Variants in FBXO8 observed in about 807,000 individuals in gnomAD.
FBXO8 encodes F-box only protein 8.
A neutral mutation model predicts 33.4 loss-of-function variants in FBXO8; 15 were observed. The ratio of observed to expected loss-of-function variants is 0.45; its 90% CI spans 0.30 to 0.69. The LOEUF is 0.69. Among genes scored for constraint, FBXO8 ranks in the 30% least tolerant of loss-of-function variants. The probability of loss-of-function intolerance (pLI) is 0.08; values close to 1 mark genes in which losing one functional copy is unlikely to be tolerated. For missense variants in FBXO8, 274 were observed against 380.3 expected, an observed-to-expected ratio of 0.72 and a Z score of 2.32; for synonymous variants, 132 against 131.5, an observed-to-expected ratio of 1.00 and a Z score of -0.02.
At chr4:174,246,733 GA>G (rs1254425447) in intron 3 of FBXO8, among the ~76,000 whole-genome samples, 9 of 152,036 alleles carry the variant, frequency 5.9e-5, no homozygotes, top group Non-Finnish European at 1.3e-4. Context: ...GGAAAGGTCT[GA>G]AAATACTGCT....
rs181045069 is a variant in FBXO8, at chr4:174,272,290, G to C, written c.-8-9190C>G. Among the ~76,000 whole-genome samples the C allele has an allele frequency of 2.8e-4, 43 of 152,206 alleles. No homozygotes were observed. Among genetic ancestry groups the C allele is most frequent in the African/African-American group, 9.9e-4 (41 of 41,542 alleles). On this transcript the variant is annotated intron_variant, in intron 1 of 5. Transcript: ENST00000393674. This position sits in a 1 kb window ranked among gnomAD's most constrained non-coding sequence, Gnocchi z 4.7. ...AAATCCATGAATGCTCAAGTCCCTTGTATAAAATGGCATAGTATACATCCT... is the reference window on the plus strand; with the variant it reads ...AAATCCATGAATGCTCAAGTCCCTTCTATAAAATGGCATAGTATACATCCT...
Position 174,281,231 on chromosome 4 carries a change from T to G in FBXO8, c.-9+2179A>C, listed in dbSNP as rs958821619. 1.3e-5 allele frequency among the ~76,000 whole-genome samples: 2 copies of G among 152,150 alleles called. No homozygotes were observed. The highest frequency in any genetic ancestry group is 4.1e-4 in the South Asian group (2 of 4,830). On this transcript the variant is annotated intron_variant, in intron 1 of 5. Coordinates refer to ENST00000393674, the MANE Select transcript of FBXO8 (RefSeq NM_012180.3). This position sits in a 1 kb window ranked among gnomAD's most constrained non-coding sequence, Gnocchi z 4.6. ...GACTTCCACAAATCACTACTCCATA[T>G]AGAGTCTCTCCAAGCTTGGCTTACT...
intron 1 of FBXO8, among the ~76,000 whole-genome samples, chr4:174,268,643 A>C (rs538982843): frequency 6.6e-6 from 1 of 152,068 alleles, no homozygotes; most frequent in East Asian, 1.9e-4. Flanking sequence ...TCACCGTGTT[A>C]GCCAGGATGG....
Position 174,259,638 on chromosome 4 carries a change from AAAGCTGCAGC to A in FBXO8, c.456+51_456+60del. The stretch of plus-strand genomic sequence containing the variant: ...TTTCCCTGCTAGTTTATGATATTGG[AAAGCTGCAGC>A]AAGATAGTAATAAAGGTCACTGGAT... On this transcript the variant is annotated intron_variant, in intron 3 of 5. Coordinates refer to ENST00000393674, the MANE Select transcript of FBXO8 (RefSeq NM_012180.3). This position sits in a 1 kb window ranked among gnomAD's most constrained non-coding sequence, Gnocchi z 4.3. The A allele has an allele frequency of 6.4e-7, 1 of 1,558,314 alleles. No individual in the cohort carries two copies. The highest frequency in any genetic ancestry group is 1.2e-5 in the South Asian group (1 of 82,044).
chr4:174,262,236 T>C lies in FBXO8; in HGVS notation c.329+528A>G, dbSNP rs1736580611. On this transcript the variant is annotated intron_variant, in intron 2 of 5. Coordinates refer to ENST00000393674, the MANE Select transcript of FBXO8 (RefSeq NM_012180.3). This position sits in a 1 kb window ranked among gnomAD's most constrained non-coding sequence, Gnocchi z 4.6. ...ATGCTGGTTAGAAAAAAAAAGTAGA[T>C]AAAATTTTCACCAGTTAAATTTTAT... 6.6e-6 allele frequency among the ~76,000 whole-genome samples: 1 copy of C among 152,178 alleles called. No individual in the cohort carries two copies. The highest frequency in any genetic ancestry group is 1.9e-4 in the East Asian group (1 of 5,202).
In FBXO8 at chr4:174,283,589, C is replaced by T. The variant is rs1010219178; in HGVS notation, c.-188G>A. On this transcript the variant is annotated 5_prime_UTR_variant, in exon 1 of 6. Transcript: ENST00000393674. The surrounding 1 kb of genome is among the most constrained non-coding windows in gnomAD (Gnocchi z 6.7). Reference sequence around the variant, plus strand: ...GATGAGAATACCAGAAACAGCACTACGACCCTCAGAACTCAGGGTACCTCC... The same window carrying T: ...GATGAGAATACCAGAAACAGCACTATGACCCTCAGAACTCAGGGTACCTCC... 1 of 290,758 alleles carries T rather than the reference C, an allele frequency of 3.4e-6. No individual in the cohort carries two copies. The highest frequency in any genetic ancestry group is 5.7e-5 in the East Asian group (1 of 17,446). 18.0% of individuals were successfully genotyped at this position (290,758 alleles called of 1,614,324 possible).
Position 174,272,700 on chromosome 4 carries a change from G to A in FBXO8, c.-8-9600C>T, listed in dbSNP as rs1296278616. Among the ~76,000 whole-genome samples, 1 of 152,152 alleles carries A rather than the reference G, an allele frequency of 6.6e-6. No individual in the cohort carries two copies. Among genetic ancestry groups the A allele is most frequent in the Non-Finnish European group, 1.5e-5 (1 of 68,026 alleles). On this transcript the variant is annotated intron_variant, in intron 1 of 5. Coordinates refer to ENST00000393674, the MANE Select transcript of FBXO8 (RefSeq NM_012180.3). The surrounding 1 kb of genome is among the most constrained non-coding windows in gnomAD (Gnocchi z 4.7). ...AATAATTTAGGCAAGAATTATCAAT[G>A]GATGTTGTTGAATCTGGAGTTTGAC...
At position 174,278,141 on chromosome 4, in the gene FBXO8, A is replaced by G. The variant is rs1315444002; in HGVS notation, c.-9+5269T>C. 1.3e-5 allele frequency among the ~76,000 whole-genome samples: 2 copies of G among 152,090 alleles called. No homozygotes were observed. The highest frequency in any genetic ancestry group is 2.9e-5 in the Non-Finnish European group (2 of 67,954). ...ACATCCCTAAAATTTAAAGGCAACAAATGTAGAGAAATAAAGGAAGGGTAA... is the reference window on the plus strand; with the variant it reads ...ACATCCCTAAAATTTAAAGGCAACAGATGTAGAGAAATAAAGGAAGGGTAA... On this transcript the variant is annotated intron_variant, in intron 1 of 5. Transcript: ENST00000393674. This position sits in a 1 kb window ranked among gnomAD's most constrained non-coding sequence, Gnocchi z 4.1.
Position 174,272,235 on chromosome 4 carries a change from AC to A in FBXO8, c.-8-9136del. Among the ~76,000 whole-genome samples, 1 of 152,066 alleles carries A rather than the reference AC, an allele frequency of 6.6e-6. No individual in the cohort carries two copies. Among genetic ancestry groups the A allele is most frequent in the Non-Finnish European group, 1.5e-5 (1 of 67,994 alleles). On this transcript the variant is annotated intron_variant, in intron 1 of 5. Coordinates refer to ENST00000393674, the MANE Select transcript of FBXO8 (RefSeq NM_012180.3). This position sits in a 1 kb window ranked among gnomAD's most constrained non-coding sequence, Gnocchi z 4.7. Reference sequence around the variant, plus strand: ...TTTGCAGTAGACTGGTTCCAGGATCACCCCCTCATGTCACCTCCCCCAGATA... The same window carrying A: ...TTTGCAGTAGACTGGTTCCAGGATCACCCCTCATGTCACCTCCCCCAGATA...
In FBXO8 at chr4:174,252,465, G is replaced by A. The variant is rs1404754613; in HGVS notation, c.456+7234C>T. ...ATAACAAGAAGTTCCAAACTAATAT[G>A]GCTCCAGGTTGTTGGGCTCACAGAT... On this transcript the variant is annotated intron_variant, in intron 3 of 5. Coordinates refer to ENST00000393674, the MANE Select transcript of FBXO8 (RefSeq NM_012180.3). This position sits in a 1 kb window ranked among gnomAD's most constrained non-coding sequence, Gnocchi z 5.1. 2.0e-5 allele frequency among the ~76,000 whole-genome samples: 3 copies of A among 152,076 alleles called. No individual in the cohort carries two copies. Among genetic ancestry groups the A allele is most frequent in the Non-Finnish European group, 4.4e-5 (3 of 68,012 alleles).
chr4:174,259,944 G>T lies in FBXO8; in HGVS notation c.330-119C>A. Reference sequence around the variant, plus strand: ...TAAGATTGAATTTTATAGTTCTAAAGTTTAAAATTTTTAAGTTTGTACTTG... The same window carrying T: ...TAAGATTGAATTTTATAGTTCTAAATTTTAAAATTTTTAAGTTTGTACTTG... On this transcript the variant is annotated intron_variant, in intron 2 of 5. Transcript: ENST00000393674. The surrounding 1 kb of genome is among the most constrained non-coding windows in gnomAD (Gnocchi z 4.3). The T allele has an allele frequency of 8.8e-7, 1 of 1,133,342 alleles. No individual in the cohort carries two copies. Among genetic ancestry groups the T allele is most frequent in the Non-Finnish European group, 1.2e-6 (1 of 821,224 alleles). The allele number at this position is 1,133,342 out of a possible 1,614,324, so 70.2% of individuals were successfully genotyped here. A position where few individuals can be genotyped will look rare whatever the true frequency, so the allele number is the denominator to read the frequency against.
In FBXO8 at chr4:174,272,646, A is replaced by G. The variant is rs1248323682; in HGVS notation, c.-8-9546T>C. ...AAGATAGAAAGAATAATGTAGTTAG[A>G]AAAATTATCATTTTACCATCAGAGA... On this transcript the variant is annotated intron_variant, in intron 1 of 5. Coordinates refer to ENST00000393674, the MANE Select transcript of FBXO8 (RefSeq NM_012180.3). The surrounding 1 kb of genome is among the most constrained non-coding windows in gnomAD (Gnocchi z 4.7). 1.3e-5 allele frequency among the ~76,000 whole-genome samples: 2 copies of G among 152,230 alleles called. No homozygotes were observed. The highest frequency in any genetic ancestry group is 2.9e-5 in the Non-Finnish European group (2 of 68,036).
rs550340447 is a variant in FBXO8, at chr4:174,281,149, G to A, written c.-9+2261C>T. Among the ~76,000 whole-genome samples, 339 of 152,210 alleles carry A rather than the reference G, an allele frequency of 2.2e-3. 2 individuals are homozygous for A. The Middle Eastern group carries it at 0.031, about 14-fold the overall frequency. On this transcript the variant is annotated intron_variant, in intron 1 of 5. Transcript: ENST00000393674. This position sits in a 1 kb window ranked among gnomAD's most constrained non-coding sequence, Gnocchi z 4.6. ...AATAAATAAAAGAAGAGATGATGGCGTGCGTGTGTGTGTATTTAACATCTG... is the reference window on the plus strand; with the variant it reads ...AATAAATAAAAGAAGAGATGATGGCATGCGTGTGTGTGTATTTAACATCTG...
rs1003542504 is a variant in FBXO8 at position 174,257,274 on chromosome 4, G to A, written c.456+2425C>T. On this transcript the variant is annotated intron_variant, in intron 3 of 5. Coordinates refer to ENST00000393674, the MANE Select transcript of FBXO8 (RefSeq NM_012180.3). The surrounding 1 kb of genome is among the most constrained non-coding windows in gnomAD (Gnocchi z 4.3). Reference sequence around the variant, plus strand: ...GACCCATGTGTATTTTCATCTTTGTGTAAAAATGATTGCTTTATAATTTGT... The same window carrying A: ...GACCCATGTGTATTTTCATCTTTGTATAAAAATGATTGCTTTATAATTTGT... 6.6e-6 allele frequency among the ~76,000 whole-genome samples: 1 copy of A among 152,030 alleles called. No individual in the cohort carries two copies. Among genetic ancestry groups the A allele is most frequent in the Non-Finnish European group, 1.5e-5 (1 of 67,982 alleles).
At chr4:174,266,011 C>T (rs1736687071) in intron 1 of FBXO8, among the ~76,000 whole-genome samples, 1 of 152,090 alleles carries the variant, frequency 6.6e-6, no homozygotes, top group South Asian at 2.1e-4. Context: ...TCTGAAGTCT[C>T]AATATTTAAA....
intron 3 of FBXO8, among the ~76,000 whole-genome samples, chr4:174,249,915 CT>C (rs1736248481): frequency 6.6e-6 from 1 of 151,968 alleles, no homozygotes; most frequent in Middle Eastern, 3.2e-3. Flanking sequence ...CCAATACATA[CT>C]TCATGAAGGA....
At chr4:174,242,315 A>G (rs1393152591) in intron 3 of FBXO8, among the ~76,000 whole-genome samples, 1 of 151,622 alleles carries the variant, frequency 6.6e-6, no homozygotes, top group Non-Finnish European at 1.5e-5. Flanking sequence ...ATATCTATAA[A>G]AACCTTTTCA....
At position 174,272,316 on chromosome 4, in the gene FBXO8, C is replaced by T. The variant is rs897790159; in HGVS notation, c.-8-9216G>A. On this transcript the variant is annotated intron_variant, in intron 1 of 5. Coordinates refer to ENST00000393674, the MANE Select transcript of FBXO8 (RefSeq NM_012180.3). The surrounding 1 kb of genome is among the most constrained non-coding windows in gnomAD (Gnocchi z 4.7). ...TATAAAATGGCATAGTATACATCCTCCTGTATACTTTAAATCATCTCTAGA... is the reference window on the plus strand; with the variant it reads ...TATAAAATGGCATAGTATACATCCTTCTGTATACTTTAAATCATCTCTAGA... Among the ~76,000 whole-genome samples, 7 of 152,304 alleles carry T rather than the reference C, an allele frequency of 4.6e-5. No homozygotes were observed. The highest frequency in any genetic ancestry group is 8.8e-5 in the Non-Finnish European group (6 of 68,022).
rs545288874 is a variant in FBXO8, at chr4:174,262,894, C to T, written c.199G>A (p.Gly67Arg). 54 of 1,614,010 alleles carry T rather than the reference C, an allele frequency of 3.3e-5. 1 individual carries two copies. The South Asian group carries it at 5.7e-4, about 17-fold the overall frequency. ...GGCAACATTTCCAAATTAATGAATCCTTCCTGTTCTTTCGATTTCCTTGCC... is the reference window on the plus strand; with the variant it reads ...GGCAACATTTCCAAATTAATGAATCTTTCCTGTTCTTTCGATTTCCTTGCC... Reference protein sequence around the residue: ...LKARKSKEQEGFINLEMLPPE... With the variant: ...LKARKSKEQERFINLEMLPPE... The change falls in exon 2 of 6, where the codon GGA becomes AGA. Residue 67 changes from glycine to arginine, a missense_variant. Coordinates refer to ENST00000393674, the MANE Select transcript of FBXO8 (RefSeq NM_012180.3). The surrounding 1 kb of genome is among the most constrained non-coding windows in gnomAD (Gnocchi z 4.6).
Sources: gnomAD v4.1 joint callset for allele counts (sites outside exome capture counted in the v4.1 genomes callset) on GRCh38, gnomAD v4.1.1 for gene constraint, Gnocchi (gnomAD v3.1) non-coding constraint, MANE v1.5 for transcripts, NCBI Gene and HGNC (gene_info 2026-07-23, HGNC 2026-07-21) for gene names.